The following NRXN1 variants were observed in gnomAD, a reference collection of about 807,000 sequenced individuals.
NRXN1 encodes the protein neurexin 1.
A neutral mutation model predicts 150.9 loss-of-function variants in NRXN1; 39 were observed. The ratio of observed to expected loss-of-function variants is 0.26; its 90% CI spans 0.20 to 0.34. The LOEUF (loss-of-function observed/expected upper bound fraction) is 0.34. NRXN1 is among the 10% of genes least tolerant of loss of function. The probability of loss-of-function intolerance (pLI) is 1.00; values close to 1 mark genes in which losing one functional copy is unlikely to be tolerated. For synonymous variants in NRXN1, 924 were observed against 757.0 expected (o/e 1.22, Z -3.62); for missense variants, 1,815 against 1,949.9 (o/e 0.93, Z 1.30).
intron 5 of NRXN1, among the ~76,000 whole-genome samples, chr2:50,848,060 G>A (rs867417403): frequency 3.3e-5 from 5 of 152,216 alleles, no homozygotes; most frequent in Non-Finnish European, 4.4e-5. Flanking sequence ...AACACAAGCC[G>A]CCTATAGACG....
chr2:50,019,942 C>T (rs1384572828), intron 21 of NRXN1, among the ~76,000 whole-genome samples: 4 of 34,474 alleles, frequency 1.2e-4, no homozygotes, highest in African/African-American at 2.3e-4. Flanking sequence ...AGCAAGACTC[C>T]GTCTCAAAAA....
chr2:49,960,105 A>C (rs1675666795), intron 21 of NRXN1, among the ~76,000 whole-genome samples: 3 of 152,206 alleles, frequency 2.0e-5, no homozygotes, highest in Admixed American at 1.3e-4. Context: ...TGCAGGTGCA[A>C]ACTCAAGGGA....
intron 2 of NRXN1, among the ~76,000 whole-genome samples, chr2:50,986,592 T>A (rs1315160432): frequency 6.6e-6 from 1 of 151,602 alleles, no homozygotes; most frequent in African/African-American, 2.4e-5. Context: ...TTTTAAAAAG[T>A]TTTTCATTTA....
In NRXN1 at chr2:51,001,238, G is replaced by T. The variant is rs554915119; in HGVS notation, c.772+26264C>A. ...ACAATGGTAGATTCATGGGGTTGGG[G>T]GGGGGGGGCGTTTGTCAGGGGAGGA... On this transcript the variant is annotated intron_variant, in intron 2 of 22. Transcript: ENST00000401669. Among the ~76,000 whole-genome samples the T allele has an allele frequency of 7.9e-3, 1,004 of 127,078 alleles. 3 individuals carry two copies. The highest frequency in any genetic ancestry group is 0.012 in the Non-Finnish European group (766 of 62,434). The allele number at this position is 127,078 out of a possible 152,430, so 83.4% of individuals were successfully genotyped here.
chr2:50,699,356 G>A (rs762244696), intron 5 of NRXN1, among the ~76,000 whole-genome samples: 3 of 152,162 alleles, frequency 2.0e-5, no homozygotes, highest in East Asian at 1.9e-4. Context: ...TCCTTAAGAC[G>A]TAATTAATGT....
At chr2:49,944,495 TTC>T (rs1328822058) in intron 21 of NRXN1, among the ~76,000 whole-genome samples, 1 of 152,176 alleles carries the variant, frequency 6.6e-6, no homozygotes, top group East Asian at 1.9e-4. Context: ...GGTGGCAGTT[TTC>T]TCTGTGACAT....
intron 17 of NRXN1, among the ~76,000 whole-genome samples, chr2:50,426,291 G>C (rs2084484421): frequency 6.6e-6 from 1 of 152,162 alleles, no homozygotes; most frequent in Non-Finnish European, 1.5e-5. Flanking sequence ...GTAAGAGATT[G>C]TATAGGTGAA....
intron 12 of NRXN1, among the ~76,000 whole-genome samples, chr2:50,517,136 A>T (rs911491293): frequency 3.9e-5 from 6 of 152,102 alleles, no homozygotes; most frequent in Non-Finnish European, 5.9e-5. Context: ...GAAACAATGT[A>T]AATGGGTTTC....
chr2:49,930,498 T>G (rs1479846961), intron 22 of NRXN1, among the ~76,000 whole-genome samples: 2 of 152,242 alleles, frequency 1.3e-5, no homozygotes. Context: ...TTAATAATTA[T>G]TTGATTGTTA....
chr2:50,531,224 T>C lies in NRXN1; in HGVS notation c.2347+3A>G. On this transcript the variant is annotated splice_donor_region_variant and intron_variant, in intron 11 of 22. Transcript: ENST00000401669. The stretch of plus-strand genomic sequence containing the variant: ...AGTTCAATGGGGGAAGGCAGGTTGT[T>C]ACCTAGATTGACCGTCAGTTTCACA... 1.2e-6 allele frequency: 2 copies of C among 1,611,540 alleles called. No individual in the cohort carries two copies. The highest frequency in any genetic ancestry group is 1.7e-6 in the Non-Finnish European group (2 of 1,178,792).
intron 17 of NRXN1, among the ~76,000 whole-genome samples, chr2:50,449,064 C>T (rs2086724532): frequency 6.6e-6 from 1 of 152,122 alleles, no homozygotes; most frequent in African/African-American, 2.4e-5. Flanking sequence ...AATGAAATAT[C>T]TGCATCCCAA....
chr2:49,953,040 T>C (rs539193779), intron 21 of NRXN1, among the ~76,000 whole-genome samples: 1 of 152,268 alleles, frequency 6.6e-6, no homozygotes, highest in East Asian at 1.9e-4. Flanking sequence ...CATTTACCTT[T>C]GGACAAGCAG....
intron 21 of NRXN1, among the ~76,000 whole-genome samples, chr2:49,990,945 C>T (rs1021390767): frequency 6.6e-6 from 1 of 152,080 alleles, no homozygotes; most frequent in Non-Finnish European, 1.5e-5. Flanking sequence ...CCCAGGACTA[C>T]ACAGAACAAC....
At chr2:50,605,937 A>G (rs1677036845) in intron 8 of NRXN1, among the ~76,000 whole-genome samples, 1 of 152,124 alleles carries the variant, frequency 6.6e-6, no homozygotes, top group South Asian at 2.1e-4. Context: ...AATGTGGTAT[A>G]TACATACAAG....
At chr2:50,299,491 C>A (rs1006576440) in intron 17 of NRXN1, among the ~76,000 whole-genome samples, 6 of 151,378 alleles carry the variant, frequency 4.0e-5, no homozygotes, top group Non-Finnish European at 8.8e-5. Context: ...GTATTTTACA[C>A]TCTTAGATAA....
chr2:50,680,880 AT>A (rs967056401), intron 5 of NRXN1, among the ~76,000 whole-genome samples: 21 of 152,272 alleles, frequency 1.4e-4, no homozygotes, highest in African/African-American at 5.1e-4. Flanking sequence ...ACTCTCATTT[AT>A]CTCCCAGGCA....
At chr2:50,521,647 T>C (rs972464643) in intron 12 of NRXN1, among the ~76,000 whole-genome samples, 1 of 152,180 alleles carries the variant, frequency 6.6e-6, no homozygotes, top group Non-Finnish European at 1.5e-5. Flanking sequence ...ATGTACCACA[T>C]GTTAGCCAGT....
chr2:50,444,480 T>C (rs951310696), intron 17 of NRXN1, among the ~76,000 whole-genome samples: 3 of 152,092 alleles, frequency 2.0e-5, no homozygotes, highest in African/African-American at 7.2e-5. Context: ...AGATGAGTCA[T>C]AGGATTTATG....
At chr2:50,567,331 G>A (rs566803711) in intron 8 of NRXN1, among the ~76,000 whole-genome samples, 4 of 152,290 alleles carry the variant, frequency 2.6e-5, no homozygotes, top group African/African-American at 9.6e-5. Flanking sequence ...TAGTCAATAA[G>A]AGAAGAGAGA....
Sources: gnomAD v4.1 joint callset for allele counts (sites outside exome capture counted in the v4.1 genomes callset) on GRCh38, gnomAD v4.1.1 for gene constraint, MANE v1.5 for transcripts, NCBI Gene and HGNC (gene_info 2026-07-23, HGNC 2026-07-21) for gene names.